FSTL5: variants seen among roughly 807,000 people sequenced by gnomAD.
FSTL5 encodes follistatin like 5.
A neutral mutation model predicts 89.1 loss-of-function variants in FSTL5; 62 were observed. That is an observed-to-expected ratio of 0.70 (90% confidence interval 0.57 to 0.86). The LOEUF (loss-of-function observed/expected upper bound fraction) is 0.86. Among genes scored for constraint, FSTL5 ranks in the 40% least tolerant of loss-of-function variants. The pLI is 0.00. For synonymous variants in FSTL5, 383 were observed against 346.2 expected, an observed-to-expected ratio of 1.11 and a Z score of -1.18; for missense variants, 1,057 against 1,001.6, an observed-to-expected ratio of 1.06 and a Z score of -0.75.
chr4:161,868,539 CA>C (rs1253476916), intron 4 of FSTL5, among the ~76,000 whole-genome samples: 7 of 152,162 alleles, frequency 4.6e-5, no homozygotes, highest in African/African-American at 1.7e-4. Context: ...TTGATCTCCA[CA>C]ATATTGTCAG....
intron 7 of FSTL5, among the ~76,000 whole-genome samples, chr4:161,589,706 A>C (rs1004097058): frequency 6.6e-6 from 1 of 152,062 alleles, no homozygotes; most frequent in Non-Finnish European, 1.5e-5. Flanking sequence ...AGAGAGCAAC[A>C]GTTTGACTAA....
intron 3 of FSTL5, among the ~76,000 whole-genome samples, chr4:161,974,849 C>T (rs965613667): frequency 1.2e-4 from 18 of 151,568 alleles, no homozygotes; most frequent in Non-Finnish European, 2.2e-4. Context: ...TCGCAACCTA[C>T]TCATCTGACA....
At chr4:161,742,288 G>T (rs1331806046) in intron 6 of FSTL5, among the ~76,000 whole-genome samples, 1 of 152,134 alleles carries the variant, frequency 6.6e-6, no homozygotes, top group Non-Finnish European at 1.5e-5. Context: ...CCTGTAAAGG[G>T]ACTGGATTAA....
chr4:161,385,524 T>A lies in FSTL5; in HGVS notation c.*223A>T, dbSNP rs892636027. The A allele has an allele frequency of 6.6e-6, 3 of 451,740 alleles. No homozygotes were observed. Among genetic ancestry groups the A allele is most frequent in the Non-Finnish European group, 1.2e-5 (3 of 257,496 alleles). The allele number at this position is 451,740 out of a possible 1,614,324, so 28.0% of individuals were successfully genotyped here. On this transcript the variant is annotated 3_prime_UTR_variant, in exon 16 of 16. Coordinates refer to ENST00000306100, the MANE Select transcript of FSTL5 (RefSeq NM_020116.5). ...ACATATTTGATTCTTGTGACTGATGTGATTTCTCATTAAATATTGTGCTGA... is the reference window on the plus strand; with the variant it reads ...ACATATTTGATTCTTGTGACTGATGAGATTTCTCATTAAATATTGTGCTGA...
chr4:161,388,219 T>C (rs977495823), intron 15 of FSTL5: 8 of 152,116 alleles, frequency 5.3e-5, no homozygotes, highest in African/African-American at 1.9e-4. Context: ...GCTAACTGTT[T>C]ATCTTTTCTG....
intron 6 of FSTL5, among the ~76,000 whole-genome samples, chr4:161,698,995 T>C (rs1579030990): frequency 1.3e-5 from 2 of 151,868 alleles, no homozygotes; most frequent in Non-Finnish European, 2.9e-5. Flanking sequence ...AATAATTTGA[T>C]GAATAATTTA....
intron 3 of FSTL5, among the ~76,000 whole-genome samples, chr4:162,006,632 A>T (rs1736624758): frequency 6.6e-6 from 1 of 151,994 alleles, no homozygotes; most frequent in South Asian, 2.1e-4. Flanking sequence ...AATTTTTCTA[A>T]ATCTCCGGTA....
intron 3 of FSTL5, among the ~76,000 whole-genome samples, chr4:161,960,577 CTTG>C (rs764691168): frequency 4.0e-5 from 6 of 151,866 alleles, no homozygotes; most frequent in Non-Finnish European, 8.8e-5. Flanking sequence ...AATATGTTTG[CTTG>C]TTATGTAGAA....
chr4:161,914,214 G>A (rs1016016414), intron 4 of FSTL5, among the ~76,000 whole-genome samples: 5 of 152,076 alleles, frequency 3.3e-5, no homozygotes, highest in Non-Finnish European at 7.4e-5. Flanking sequence ...ATGACTAGTA[G>A]TGGAATATCC....
At chr4:161,448,684 T>C (rs1733043923) in intron 15 of FSTL5, among the ~76,000 whole-genome samples, 1 of 152,172 alleles carries the variant, frequency 6.6e-6, no homozygotes, top group South Asian at 2.1e-4. Context: ...TTCATCCGTG[T>C]AGTAGAGCCA....
chr4:162,075,735 C>A (rs1729811990), intron 2 of FSTL5, among the ~76,000 whole-genome samples: 1 of 151,868 alleles, frequency 6.6e-6, no homozygotes, highest in East Asian at 1.9e-4. Flanking sequence ...GTCCCATCAT[C>A]ACACCAAGGC....
intron 4 of FSTL5, among the ~76,000 whole-genome samples, chr4:161,815,238 T>C (rs1292307785): frequency 6.6e-6 from 1 of 152,030 alleles, no homozygotes; most frequent in Non-Finnish European, 1.5e-5. Flanking sequence ...ATTATGGTAT[T>C]ATAAACACTG....
At chr4:162,089,952 C>A (rs890701939) in intron 2 of FSTL5, among the ~76,000 whole-genome samples, 8 of 151,596 alleles carry the variant, frequency 5.3e-5, no homozygotes, top group African/African-American at 1.7e-4. Context: ...ATATTTTTTC[C>A]ATCCGATCTT....
At chr4:162,122,090 G>A (rs984011312) in intron 1 of FSTL5, among the ~76,000 whole-genome samples, 3 of 151,928 alleles carry the variant, frequency 2.0e-5, no homozygotes, top group African/African-American at 7.2e-5. Flanking sequence ...AAGTTTGGGG[G>A]GAGTCAAAAG....
chr4:161,386,322 A>C lies in FSTL5; in HGVS notation c.1969T>G (p.Leu657Val). ...CAGCCAATGAAGTAGTAGCCTCCCA[A>C]GTGTGTATATGCCAATGACTGAGGA... ...CVPQSLAYTH[L>V]GGYYFIGCKP... Residue 657 changes from leucine to valine, a missense_variant, in exon 16 of 16, where the codon TTG (leucine) becomes GTG (valine). By Grantham distance (32) the Leu-to-Val change is conservative (BLOSUM62 1). Transcript: ENST00000306100. The C allele has an allele frequency of 6.2e-7, 1 of 1,613,962 alleles. No individual in the cohort carries two copies. The highest frequency in any genetic ancestry group is 8.5e-7 in the Non-Finnish European group (1 of 1,179,952).
At chr4:161,505,888 T>A (rs953645864) in intron 11 of FSTL5, among the ~76,000 whole-genome samples, 1 of 152,236 alleles carries the variant, frequency 6.6e-6, no homozygotes, top group Middle Eastern at 3.4e-3. Flanking sequence ...AACTGGCCAG[T>A]AGAAATAACA....
At chr4:161,942,038 T>C (rs1734603021) in intron 3 of FSTL5, among the ~76,000 whole-genome samples, 1 of 151,788 alleles carries the variant, frequency 6.6e-6, no homozygotes, top group Non-Finnish European at 1.5e-5. Context: ...TCTTAAACAA[T>C]CATGGCTAAA....
intron 3 of FSTL5, among the ~76,000 whole-genome samples, chr4:161,962,804 A>G (rs1295401233): frequency 1.3e-5 from 2 of 152,032 alleles, no homozygotes; most frequent in Non-Finnish European, 2.9e-5. Context: ...AGTTTCAGGC[A>G]TGTTCATAGA....
At chr4:161,924,400 A>C (rs1163346195) in intron 3 of FSTL5, among the ~76,000 whole-genome samples, 1 of 150,920 alleles carries the variant, frequency 6.6e-6, no homozygotes, top group Non-Finnish European at 1.5e-5. Context: ...TGTATATCTA[A>C]TATATCAGCT....
Sources: allele counts gnomAD v4.1 joint callset (sites outside exome capture counted in the v4.1 genomes callset), GRCh38; gene constraint gnomAD v4.1.1; transcripts MANE v1.5; gene names NCBI Gene and HGNC (gene_info 2026-07-23, HGNC 2026-07-21).